Variants in UTS2B observed in about 807,000 individuals in gnomAD.
UTS2B encodes urotensin-2B.
A neutral mutation model predicts 19.2 loss-of-function variants in UTS2B; 21 were observed. That is an observed-to-expected ratio of 1.09 (90% CI 0.78 to 1.58). UTS2B has a LOEUF of 1.58. UTS2B is among the 40% of genes most tolerant of loss of function. The pLI, the probability that UTS2B is intolerant of heterozygous loss-of-function variation, is 0.00. For missense variants in UTS2B, 138 were observed against 130.3 expected, an observed-to-expected ratio of 1.06 and a Z score of -0.29; for synonymous variants, 57 against 50.2, an observed-to-expected ratio of 1.14 and a Z score of -0.58.
At chr3:191,309,394 CG>C in intron 3 of UTS2B, among the ~76,000 whole-genome samples, 1 of 151,820 alleles carries the variant, frequency 6.6e-6, no homozygotes, top group Admixed American at 6.5e-5. Flanking sequence ...AGGACGGTCT[CG>C]ATCTCCTGAC....
At chr3:191,324,055 G>A (rs957782582) in intron 2 of UTS2B, among the ~76,000 whole-genome samples, 4 of 152,154 alleles carry the variant, frequency 2.6e-5, no homozygotes, top group African/African-American at 4.8e-5. Flanking sequence ...AGGTGATTGG[G>A]TCATGAGAGC....
chr3:191,343,249 A>G, the UTS2B span, among the ~76,000 whole-genome samples: 1 of 152,306 alleles, frequency 6.6e-6, no homozygotes, highest in African/African-American at 2.4e-5. Flanking sequence ...CTCATATTAC[A>G]GGGGCGTAAA....
At chr3:191,320,460 A>C (rs1234710089) in intron 2 of UTS2B, among the ~76,000 whole-genome samples, 1 of 152,214 alleles carries the variant, frequency 6.6e-6, no homozygotes, top group Non-Finnish European at 1.5e-5. Context: ...CTGAATTCTG[A>C]GAAGATGAGA....
At chr3:191,313,026 T>C (rs1717345381) in intron 3 of UTS2B, among the ~76,000 whole-genome samples, 1 of 152,112 alleles carries the variant, frequency 6.6e-6, no homozygotes, top group Non-Finnish European at 1.5e-5. Context: ...GGTTTTTTTT[T>C]TTTTTTGAGA....
intron 4 of UTS2B, among the ~76,000 whole-genome samples, chr3:191,288,043 A>T (rs140618917): frequency 1.3e-5 from 2 of 152,294 alleles, no homozygotes; most frequent in African/African-American, 4.8e-5. Context: ...TGCAATGGAT[A>T]TCCCCTCAAA....
chr3:191,318,481 A>G (rs933479058), intron 2 of UTS2B, among the ~76,000 whole-genome samples: 1 of 151,926 alleles, frequency 6.6e-6, no homozygotes, highest in African/African-American at 2.4e-5. Context: ...TTTATTTTTT[A>G]TTTTTGAGAC....
chr3:191,330,751 G>A (rs910751542), upstream of UTS2B, among the ~76,000 whole-genome samples: 4 of 152,138 alleles, frequency 2.6e-5, no homozygotes, highest in African/African-American at 9.7e-5. Context: ...ATTTGACTCC[G>A]TTGGTCTTGT....
intron 2 of UTS2B, among the ~76,000 whole-genome samples, chr3:191,321,808 C>T (rs527504642): frequency 6.6e-6 from 1 of 152,300 alleles, no homozygotes; most frequent in South Asian, 2.1e-4. Flanking sequence ...GGGCAGATCA[C>T]CTGAGGTCAA....
intron 8 of UTS2B, among the ~76,000 whole-genome samples, chr3:191,274,498 C>A (rs1192109907): frequency 6.6e-6 from 1 of 152,102 alleles, no homozygotes; most frequent in Non-Finnish European, 1.5e-5. Flanking sequence ...CGTAGGTAGT[C>A]AAAGTTAAAA....
chr3:191,323,656 A>G (rs1717668544), intron 2 of UTS2B, among the ~76,000 whole-genome samples: 2 of 152,204 alleles, frequency 1.3e-5, no homozygotes, highest in Admixed American at 6.5e-5. Flanking sequence ...AGTAGAAAAG[A>G]GGAAGACAGA....
At chr3:191,282,962 C>T (rs1418735138) in intron 4 of UTS2B, among the ~76,000 whole-genome samples, 1 of 152,156 alleles carries the variant, frequency 6.6e-6, no homozygotes, top group Non-Finnish European at 1.5e-5. Flanking sequence ...CAAAGTCTTT[C>T]AGTATATCTC....
the UTS2B span, among the ~76,000 whole-genome samples, chr3:191,336,574 A>T: frequency 3.9e-5 from 6 of 152,154 alleles, no homozygotes; most frequent in African/African-American, 4.8e-5. Context: ...TTCTTACTAG[A>T]TACACAGTTT....
At position 191,313,725 on chromosome 3, in the gene UTS2B, CTTTT is replaced by C. The variant is rs57398216; in HGVS notation, c.-182+2307_-182+2310del. Among the ~76,000 whole-genome samples the C allele has an allele frequency of 1.3e-3, 139 of 109,112 alleles. 1 individual carries two copies. The East Asian group carries it at 0.018, about 14-fold the overall frequency. 71.6% of individuals were successfully genotyped at this position (109,112 alleles called of 152,430 possible). A position where few individuals can be genotyped will look rare whatever the true frequency, so the allele number is the denominator to read the frequency against. On this transcript the variant is annotated intron_variant, in intron 3 of 8. Transcript: ENST00000340524. ...TAAGACAATGCATTCCTCCACTTTC[CTTTT>C]TTTTTTTTTTTTTTTTTTTGAGATG...
the UTS2B span, among the ~76,000 whole-genome samples, chr3:191,344,381 C>G: frequency 6.6e-6 from 1 of 152,030 alleles, no homozygotes; most frequent in East Asian, 1.9e-4. Context: ...CTATTTAGCA[C>G]TAGGAATATG....
rs1715994462 is a variant in UTS2B at position 191,268,254 on chromosome 3, G to A, written c.*162C>T. ...CATTCTGGCAGTCCAACCTGGCATT[G>A]TCTTTACACAATCCCGCATGCAATT... On this transcript the variant is annotated 3_prime_UTR_variant, in exon 9 of 9. Coordinates refer to ENST00000340524, the MANE Select transcript of UTS2B (RefSeq NM_198152.5). 1 of 549,322 alleles carries A rather than the reference G, an allele frequency of 1.8e-6. No individual in the cohort carries two copies. The highest frequency in any genetic ancestry group is 3.1e-6 in the Non-Finnish European group (1 of 318,354). 34.0% of individuals were successfully genotyped at this position (549,322 alleles called of 1,614,324 possible).
chr3:191,310,193 T>G (rs1216341870), intron 3 of UTS2B, among the ~76,000 whole-genome samples: 2 of 152,024 alleles, frequency 1.3e-5, no homozygotes, highest in African/African-American at 4.8e-5. Context: ...CTTGAACTCC[T>G]GAACTCATGT....
chr3:191,335,923 C>T, the UTS2B span, among the ~76,000 whole-genome samples: 1 of 149,460 alleles, frequency 6.7e-6, no homozygotes, highest in African/African-American at 2.5e-5. Context: ...AACTTCTCAA[C>T]CCCCGTTTCA....
At chr3:191,276,679 C>T (rs1297370641) in intron 7 of UTS2B, 128 bp downstream of exon 7, 3 of 740,874 alleles carry the variant, frequency 4.0e-6, no homozygotes, top group Non-Finnish European at 6.2e-6. Flanking sequence ...CAGCTTCACG[C>T]TTTGTTTAGC....
intron 2 of UTS2B, among the ~76,000 whole-genome samples, chr3:191,320,673 T>A (rs1717591051): frequency 1.3e-5 from 2 of 152,188 alleles, no homozygotes; most frequent in African/African-American, 2.4e-5. Context: ...GATGTGGAAT[T>A]TTTGTTGTAT....
Sources: allele counts gnomAD v4.1 joint callset (sites outside exome capture counted in the v4.1 genomes callset), GRCh38; gene constraint gnomAD v4.1.1; transcripts MANE v1.5; gene names NCBI Gene and HGNC (gene_info 2026-07-23, HGNC 2026-07-21).